The following PTK2 variants were observed in gnomAD, a reference collection of about 807,000 sequenced individuals.
PTK2 encodes protein tyrosine kinase 2.
Under a neutral mutation model 150.1 loss-of-function variants are expected in PTK2, and 45 were observed. The observed-to-expected ratio is 0.30, with a 90% CI of 0.24 to 0.38. PTK2 has a LOEUF of 0.38. PTK2 is among the 10% of genes least tolerant of loss of function. The pLI is 1.00. For missense variants in PTK2, 919 were observed against 1,307.3 expected (o/e 0.70, Z 4.58); for synonymous variants, 432 against 449.2 (o/e 0.96, Z 0.48).
intron 22 of PTK2, among the ~76,000 whole-genome samples, chr8:140,721,175 T>C (rs759607207): frequency 6.6e-6 from 1 of 152,158 alleles, no homozygotes; most frequent in African/African-American, 2.4e-5. Context: ...TTACACCATA[T>C]GCCTGTGCAA....
intron 16 of PTK2, among the ~76,000 whole-genome samples, chr8:140,759,430 A>G (rs531104330): frequency 1.4e-5 from 2 of 144,822 alleles, no homozygotes; most frequent in Non-Finnish European, 3.0e-5. Context: ...GCTACTTGGT[A>G]GGCTGAGGTG....
intron 2 of PTK2, among the ~76,000 whole-genome samples, chr8:140,911,720 T>G (rs1298345780): frequency 7.2e-6 from 1 of 138,822 alleles, no homozygotes; most frequent in Non-Finnish European, 1.7e-5. Context: ...CCGAAAGGGC[T>G]ACTATTGCTA....
At chr8:140,841,408 T>C (rs919573398) in intron 7 of PTK2, among the ~76,000 whole-genome samples, 1 of 152,150 alleles carries the variant, frequency 6.6e-6, no homozygotes, top group Non-Finnish European at 1.5e-5. Context: ...TATCTGAGCA[T>C]AATGTCATTA....
intron 16 of PTK2, among the ~76,000 whole-genome samples, chr8:140,753,117 A>T (rs1172166311): frequency 6.6e-6 from 1 of 152,198 alleles, no homozygotes; most frequent in Non-Finnish European, 1.5e-5. Flanking sequence ...GGCTGCAGAG[A>T]GGCAAGGTTA....
chr8:140,664,616 T>C lies in PTK2; in HGVS notation c.2946+301A>G, dbSNP rs111530419. Among the ~76,000 whole-genome samples the C allele has an allele frequency of 2.5e-3, 386 of 152,308 alleles. 7 individuals are homozygous for C. The highest frequency in any genetic ancestry group is 8.7e-3 in the African/African-American group (362 of 41,574). ...TTTCCCATGTGCCTTCCTCATCCAC[T>C]GCTCAGAGCCACTTGTAGCTCAGAT... On this transcript the variant is annotated intron_variant, in intron 31 of 31. Transcript: ENST00000522684.
intron 2 of PTK2, among the ~76,000 whole-genome samples, chr8:140,918,829 T>C (rs2100166313): frequency 6.6e-6 from 1 of 152,254 alleles, no homozygotes; most frequent in Non-Finnish European, 1.5e-5. Context: ...GTATATTCTT[T>C]GGATTTGAGC....
intron 5 of PTK2, among the ~76,000 whole-genome samples, chr8:140,848,764 A>G (rs2100127246): frequency 6.6e-6 from 1 of 152,188 alleles, no homozygotes; most frequent in African/African-American, 2.4e-5. Context: ...ATAAAGGCGC[A>G]AGAATTAAAC....
intron 14 of PTK2, among the ~76,000 whole-genome samples, chr8:140,779,801 A>T (rs548600421): frequency 6.6e-6 from 1 of 152,154 alleles, no homozygotes; most frequent in Non-Finnish European, 1.5e-5. Context: ...CTAGTTACAT[A>T]AGTAAGGCGA....
chr8:140,723,971 T>G (rs2100044386), intron 22 of PTK2, among the ~76,000 whole-genome samples: 1 of 152,232 alleles, frequency 6.6e-6, no homozygotes, highest in African/African-American at 2.4e-5. Context: ...CCTGCAACAT[T>G]CCCTATACAA....
At chr8:140,691,194 T>TGG (rs1281585905) in intron 26 of PTK2, among the ~76,000 whole-genome samples, 23 of 141,562 alleles carry the variant, frequency 1.6e-4, no homozygotes, top group East Asian at 1.1e-3. Context: ...TAGAGATGGT[T>TGG]GGGGGTGGGG....
chr8:140,935,176 G>C (rs1308565957), intron 1 of PTK2, among the ~76,000 whole-genome samples: 2 of 152,104 alleles, frequency 1.3e-5, no homozygotes, highest in Non-Finnish European at 2.9e-5. Flanking sequence ...TAGACAAACT[G>C]TCCATAAACG....
chr8:140,947,588 T>C (rs533556393), intron 1 of PTK2, among the ~76,000 whole-genome samples: 1 of 152,096 alleles, frequency 6.6e-6, no homozygotes, highest in Non-Finnish European at 1.5e-5. Context: ...ATGAGTTTTA[T>C]TCCTGTGAAG....
At chr8:140,775,274 C>G (rs2100077753) in intron 14 of PTK2, among the ~76,000 whole-genome samples, 1 of 152,132 alleles carries the variant, frequency 6.6e-6, no homozygotes, top group Non-Finnish European at 1.5e-5. Context: ...CACCTGAGCT[C>G]TGGAGTTGGG....
At position 140,812,827 on chromosome 8, in the gene PTK2, C is replaced by T. The variant is rs186408249; in HGVS notation, c.867+5450G>A. Among the ~76,000 whole-genome samples the T allele has an allele frequency of 3.3e-5, 5 of 152,048 alleles. No homozygotes were observed. The East Asian group carries it at 9.6e-4, about 29-fold the overall frequency. On this transcript the variant is annotated intron_variant, in intron 10 of 31. Coordinates refer to ENST00000522684, the Ensembl canonical transcript of PTK2. ...TAAAGGGTTCAATCCAACGAGAAGGCCTAACTATCCTAAATATATAAAAAA... is the reference window on the plus strand; with the variant it reads ...TAAAGGGTTCAATCCAACGAGAAGGTCTAACTATCCTAAATATATAAAAAA...
At chr8:140,762,376 A>G in intron 15 of PTK2, 3 of 1,183,042 alleles carry the variant, frequency 2.5e-6, no homozygotes, top group Non-Finnish European at 3.2e-6. Flanking sequence ...ACCTTCATCT[A>G]TTCCATAGCT....
At chr8:140,667,571 G>T (rs1361115808) in intron 30 of PTK2, among the ~76,000 whole-genome samples, 2 of 151,870 alleles carry the variant, frequency 1.3e-5, no homozygotes, top group African/African-American at 4.8e-5. Flanking sequence ...AAAGTTCTGG[G>T]ATTATGGGCA....
intron 28 of PTK2, 166 bp downstream of exon 31, chr8:140,675,294 C>T (rs1016961050): frequency 2.8e-6 from 2 of 718,994 alleles, no homozygotes; most frequent in Non-Finnish European, 2.3e-6. Context: ...TTCTTTTTCC[C>T]AATACTCTAG....
At position 140,966,643 on chromosome 8, in the gene PTK2, TAA is replaced by T. The variant is rs375563181; in HGVS notation, c.-122+34480_-122+34481del. ...GTAGCTATTTCTCAAATTATAAAAT[TAA>T]AAGTCTTAAATTCTTTTTCTCCAGA... On this transcript the variant is annotated intron_variant, in intron 1 of 31. Coordinates refer to ENST00000522684, the Ensembl canonical transcript of PTK2. Among the ~76,000 whole-genome samples the T allele has an allele frequency of 3.2e-4, 49 of 152,330 alleles. 2 individuals carry two copies. The highest frequency in any genetic ancestry group is 1.1e-3 in the African/African-American group (46 of 41,570).
At chr8:140,775,745 G>T (rs772714374) in intron 14 of PTK2, among the ~76,000 whole-genome samples, 1 of 152,048 alleles carries the variant, frequency 6.6e-6, no homozygotes, top group Non-Finnish European at 1.5e-5. Flanking sequence ...TTCATTAAAG[G>T]GCTCCAACTT....
Sources: allele counts gnomAD v4.1 joint callset (sites outside exome capture counted in the v4.1 genomes callset), GRCh38; gene constraint gnomAD v4.1.1; transcripts MANE v1.5; gene names NCBI Gene and HGNC (gene_info 2026-07-23, HGNC 2026-07-21).